TBL1XR1: variants seen among roughly 807,000 people sequenced by gnomAD.
TBL1XR1 encodes F-box-like/WD repeat-containing protein TBL1XR1.
Under a neutral mutation model 66.9 loss-of-function variants are expected in TBL1XR1, and 5 were observed. The observed-to-expected ratio is 0.07, with a 90% CI of 0.04 to 0.16. The LOEUF is 0.16. Among genes scored for constraint, TBL1XR1 ranks in the 10% least tolerant of loss-of-function variants. The pLI is 1.00. For synonymous variants in TBL1XR1, 210 were observed against 206.0 expected (o/e 1.02, Z -0.17); for missense variants, 238 against 623.2 (o/e 0.38, Z 6.58).
intron 1 of TBL1XR1, among the ~76,000 whole-genome samples, chr3:177,160,090 AAAT>A (rs1731995198): frequency 6.6e-6 from 1 of 152,152 alleles, no homozygotes. Context: ...AGAGGGAACA[AAAT>A]AATAGTACTT....
At chr3:177,025,703 G>C (rs561360436) in intron 15 of TBL1XR1, among the ~76,000 whole-genome samples, 179 bp from the exon 16 acceptor site, 1 of 152,212 alleles carries the variant, frequency 6.6e-6, no homozygotes, top group African/African-American at 2.4e-5. Flanking sequence ...CATTTAAGCA[G>C]ATCAAGAGAA....
chr3:177,030,404 A>G (rs1195017455), intron 14 of TBL1XR1, among the ~76,000 whole-genome samples: 1 of 152,052 alleles, frequency 6.6e-6, no homozygotes, highest in African/African-American at 2.4e-5. Flanking sequence ...GTGGTAAAAA[A>G]CACTAGCTTG....
rs1716717620 is a variant in TBL1XR1, at chr3:177,049,196, G to A, written c.702+801C>T. Among the ~76,000 whole-genome samples, 2 of 152,132 alleles carry A rather than the reference G, an allele frequency of 1.3e-5. 1 individual carries two copies. Among genetic ancestry groups the A allele is most frequent in the South Asian group, 4.2e-4 (2 of 4,816 alleles). ...GATCTCATTCCCGGGGAAAAGAATT[G>A]GAAGATCCTTTAGAAAGTCCACAAA... is the stretch of plus-strand genomic sequence containing the variant. On this transcript the variant is annotated intron_variant, in intron 7 of 15. Transcript: ENST00000457928.
At chr3:177,049,282 TA>T (rs1244092962) in intron 7 of TBL1XR1, among the ~76,000 whole-genome samples, 1 of 152,218 alleles carries the variant, frequency 6.6e-6, no homozygotes, top group African/African-American at 2.4e-5. Context: ...ACTATCTTGA[TA>T]TTCTTTGCAA....
chr3:177,034,502 ATC>A (rs1049798723), intron 12 of TBL1XR1, among the ~76,000 whole-genome samples, 177 bp from the exon 13 acceptor site: 14 of 144,498 alleles, frequency 9.7e-5, no homozygotes, highest in African/African-American at 2.6e-4. Flanking sequence ...TAATATTTAC[ATC>A]TCTGTTTAAA....
chr3:177,119,740 C>T (rs538446620), intron 1 of TBL1XR1, among the ~76,000 whole-genome samples: 3 of 152,298 alleles, frequency 2.0e-5, no homozygotes, highest in Non-Finnish European at 2.9e-5. Flanking sequence ...GGCATACTTG[C>T]GTGGCTAGAA....
intron 3 of TBL1XR1, among the ~76,000 whole-genome samples, chr3:177,061,775 A>G (rs80169966): frequency 0.019 from 2,858 of 152,354 alleles, 45 homozygotes; most frequent in South Asian, 0.049. Context: ...CTAATTCTCA[A>G]TAAGTATCAT....
intron 2 of TBL1XR1, among the ~76,000 whole-genome samples, chr3:177,097,856 A>G (rs1304596215): frequency 6.6e-6 from 1 of 152,228 alleles, no homozygotes; most frequent in East Asian, 1.9e-4. Flanking sequence ...CCATCACGAT[A>G]TAACAATATT....
chr3:177,199,926 C>G (rs1476307859), upstream of TBL1XR1, among the ~76,000 whole-genome samples: 6 of 152,124 alleles, frequency 3.9e-5, no homozygotes, highest in Non-Finnish European at 7.3e-5. Context: ...ATGTACTTTA[C>G]TCACCACTGT....
chr3:177,071,014 A>C (rs1209731085), intron 2 of TBL1XR1, among the ~76,000 whole-genome samples: 1 of 147,274 alleles, frequency 6.8e-6, no homozygotes, highest in African/African-American at 2.6e-5. Flanking sequence ...TTTGGAACAG[A>C]CATGTTCTGA....
At chr3:177,180,217 C>T (rs1463121938) in intron 1 of TBL1XR1, among the ~76,000 whole-genome samples, 3 of 115,870 alleles carry the variant, frequency 2.6e-5, no homozygotes, top group African/African-American at 3.4e-5. Context: ...AGCCTGGTGA[C>T]GGAGCAAGAC....
In TBL1XR1 at chr3:177,025,018, C is replaced by CAA. The variant is rs1712906258; in HGVS notation, c.*479_*480insTT. On this transcript the variant is annotated 3_prime_UTR_variant, in exon 16 of 16. Transcript: ENST00000457928. The stretch of plus-strand genomic sequence containing the variant: ...ATGCATCCATAATCTAAACCAAAAA[C>CAA]GAAATTTTAAAGCAAGAACAAACTA... The CAA allele has an allele frequency of 6.4e-6, 1 of 155,052 alleles. No individual in the cohort carries two copies. Among genetic ancestry groups the CAA allele is most frequent in the African/African-American group, 2.4e-5 (1 of 41,506 alleles). The allele number at this position is 155,052 out of a possible 1,614,324, so 9.6% of individuals were successfully genotyped here. A position where few individuals can be genotyped will look rare whatever the true frequency, so the allele number is the denominator to read the frequency against.
chr3:177,142,438 C>T (rs1262094142), intron 1 of TBL1XR1, among the ~76,000 whole-genome samples: 1 of 152,138 alleles, frequency 6.6e-6, no homozygotes, highest in African/African-American at 2.4e-5. Flanking sequence ...CGGAAAGGGA[C>T]AGAAACTTTC....
intron 1 of TBL1XR1, among the ~76,000 whole-genome samples, chr3:177,183,521 A>AT: frequency 6.6e-6 from 1 of 151,922 alleles, no homozygotes; most frequent in East Asian, 2.0e-4. Flanking sequence ...GAAAGCAAAA[A>AT]TTTTTTTGAG....
chr3:177,186,921 C>T (rs907923446), intron 1 of TBL1XR1, among the ~76,000 whole-genome samples: 3 of 151,950 alleles, frequency 2.0e-5, no homozygotes, highest in African/African-American at 7.3e-5. Context: ...AATTCCAGCA[C>T]TTTGGGAGGC....
At chr3:177,100,447 G>A (rs1297709916) in intron 1 of TBL1XR1, among the ~76,000 whole-genome samples, 7 of 150,066 alleles carry the variant, frequency 4.7e-5, no homozygotes, top group African/African-American at 9.8e-5. Flanking sequence ...TTTTTGAGAC[G>A]GAGTCTCACT....
At chr3:177,037,514 G>C (rs1296267744) in intron 12 of TBL1XR1, 1 of 152,170 alleles carries the variant, frequency 6.6e-6, no homozygotes, top group Non-Finnish European at 1.5e-5. Context: ...GGCGGCGGGG[G>C]GGGCATCACT....
At chr3:177,061,493 T>C (rs1458105824) in intron 3 of TBL1XR1, among the ~76,000 whole-genome samples, 6 of 152,210 alleles carry the variant, frequency 3.9e-5, no homozygotes, top group South Asian at 2.1e-4. Context: ...TAATGTGTTT[T>C]TGGACAGTCT....
chr3:177,055,555 G>A lies in TBL1XR1; in HGVS notation c.59-1637C>T, dbSNP rs1355944049. 6.7e-5 allele frequency among the ~76,000 whole-genome samples: 10 copies of A among 149,564 alleles called. No individual in the cohort carries two copies. In the East Asian group the frequency reaches 1.2e-3, roughly 18 times the overall value. On this transcript the variant is annotated intron_variant, in intron 3 of 15. Coordinates refer to ENST00000457928, the MANE Select transcript of TBL1XR1 (RefSeq NM_024665.7). Reference sequence around the variant, plus strand: ...AGAGATACCAATCGGGGGGCGGGGCGGGGGTGGGGGGGTGGGGGCGGAGAA... The same window carrying A: ...AGAGATACCAATCGGGGGGCGGGGCAGGGGTGGGGGGGTGGGGGCGGAGAA...
Sources: gnomAD v4.1 joint callset for allele counts (sites outside exome capture counted in the v4.1 genomes callset) on GRCh38, gnomAD v4.1.1 for gene constraint, MANE v1.5 for transcripts, NCBI Gene and HGNC (gene_info 2026-07-23, HGNC 2026-07-21) for gene names.